Variants in SGCZ observed in about 807,000 individuals in gnomAD.
SGCZ encodes sarcoglycan zeta, also known as zeta-sarcoglycan.
In SGCZ, 40 loss-of-function variants were observed where a neutral mutation model predicts 41.3. The observed-to-expected ratio is 0.97, with a 90% CI of 0.75 to 1.26. The LOEUF is 1.26. Ranked by LOEUF, SGCZ falls within the 50% of genes most tolerant of loss-of-function variation. SGCZ has a pLI of 0.00. For missense variants in SGCZ, 552 were observed against 369.8 expected (o/e 1.49, Z -4.04); for synonymous variants, 206 against 137.5 (o/e 1.50, Z -3.49).
At chr8:14,152,785 T>C (rs1803751278) in intron 5 of SGCZ, among the ~76,000 whole-genome samples, 1 of 152,154 alleles carries the variant, frequency 6.6e-6, no homozygotes, top group Non-Finnish European at 1.5e-5. Context: ...CAGATGTTCC[T>C]CAATGGATGA....
chr8:14,843,637 C>T (rs144825688), intron 1 of SGCZ, among the ~76,000 whole-genome samples: 6 of 152,150 alleles, frequency 3.9e-5, no homozygotes, highest in African/African-American at 1.4e-4. Context: ...CATGGAGACA[C>T]ATGATTTATA....
At chr8:14,763,502 C>G (rs1276905739) in intron 1 of SGCZ, among the ~76,000 whole-genome samples, 1 of 152,114 alleles carries the variant, frequency 6.6e-6, no homozygotes. Context: ...CTGGATGTTT[C>G]TTAGCTCTTT....
At chr8:14,850,311 T>C (rs1267400541) in intron 1 of SGCZ, among the ~76,000 whole-genome samples, 1 of 152,166 alleles carries the variant, frequency 6.6e-6, no homozygotes, top group Non-Finnish European at 1.5e-5. Context: ...GGCATAGTCA[T>C]GGTTGTCAAG....
rs73665361 is a variant in SGCZ at position 15,005,949 on chromosome 8, C to A, written c.39+231636G>T. Among the ~76,000 whole-genome samples, 353 of 152,250 alleles carry A rather than the reference C, an allele frequency of 2.3e-3. 2 individuals carry two copies. The highest frequency in any genetic ancestry group is 6.0e-3 in the African/African-American group (251 of 41,554). The stretch of plus-strand genomic sequence containing the variant: ...ACGGAATGAGAAATTCTTCTCCCAC[C>A]AAACTTGAACTAACAGATACTTTTT... On this transcript the variant is annotated intron_variant, in intron 1 of 7. Transcript: ENST00000382080.
At chr8:14,435,615 A>G (rs1359655037) in intron 2 of SGCZ, among the ~76,000 whole-genome samples, 1 of 152,348 alleles carries the variant, frequency 6.6e-6, no homozygotes, top group African/African-American at 2.4e-5. Context: ...CTACAATACT[A>G]TAATATATAT....
At chr8:14,486,127 G>T (rs1478602401) in intron 2 of SGCZ, among the ~76,000 whole-genome samples, 1 of 152,100 alleles carries the variant, frequency 6.6e-6, no homozygotes, top group Non-Finnish European at 1.5e-5. Flanking sequence ...TAGCATGCTC[G>T]TTTTTCCCCC....
chr8:14,943,852 T>G (rs940467538), intron 1 of SGCZ, among the ~76,000 whole-genome samples: 16 of 152,308 alleles, frequency 1.1e-4, no homozygotes, highest in Admixed American at 2.0e-4. Context: ...GTTCCTGTAT[T>G]AGTTTCCTTA....
intron 1 of SGCZ, among the ~76,000 whole-genome samples, chr8:15,042,274 C>G (rs7005497): frequency 6.6e-6 from 1 of 152,078 alleles, no homozygotes; most frequent in Non-Finnish European, 1.5e-5. Flanking sequence ...TAATGCCTAG[C>G]TGACGGCAGT....
At chr8:14,787,799 T>G (rs1800816667) in intron 1 of SGCZ, among the ~76,000 whole-genome samples, 1 of 151,466 alleles carries the variant, frequency 6.6e-6, no homozygotes, top group African/African-American at 2.4e-5. Flanking sequence ...TGACCTAAGA[T>G]CTCATCACTG....
intron 2 of SGCZ, among the ~76,000 whole-genome samples, chr8:14,377,592 A>G (rs1256842124): frequency 6.6e-6 from 1 of 151,560 alleles, no homozygotes; most frequent in East Asian, 1.9e-4. Flanking sequence ...GGTTAGTTAC[A>G]TATGTATACA....
intron 1 of SGCZ, among the ~76,000 whole-genome samples, chr8:14,814,257 C>A (rs1801827086): frequency 6.6e-6 from 1 of 152,134 alleles, no homozygotes; most frequent in Non-Finnish European, 1.5e-5. Context: ...GGGGACCTGA[C>A]TACGCCTCTA....
intron 2 of SGCZ, among the ~76,000 whole-genome samples, chr8:14,528,846 A>AAAC (rs1399884416): frequency 1.3e-5 from 2 of 151,096 alleles, no homozygotes; most frequent in African/African-American, 4.9e-5. Context: ...AACAAAACAA[A>AAAC]AACAAAAAAA....
intron 2 of SGCZ, among the ~76,000 whole-genome samples, chr8:14,530,737 A>G (rs564055946): frequency 6.6e-6 from 1 of 152,082 alleles, no homozygotes; most frequent in East Asian, 1.9e-4. Context: ...AGCCCCATCT[A>G]TTCTGGAGGC....
At chr8:14,627,706 C>A (rs1029770679) in intron 1 of SGCZ, among the ~76,000 whole-genome samples, 5 of 151,956 alleles carry the variant, frequency 3.3e-5, no homozygotes, top group Non-Finnish European at 5.9e-5. Flanking sequence ...ATACACCCAG[C>A]TGATCTGTAT....
At chr8:14,757,647 G>A (rs974266410) in intron 1 of SGCZ, among the ~76,000 whole-genome samples, 1 of 152,124 alleles carries the variant, frequency 6.6e-6, no homozygotes, top group Non-Finnish European at 1.5e-5. Context: ...ATAGAGAAAA[G>A]AAACAACTCT....
Position 14,087,731 on chromosome 8 carries a change from T to TAA in SGCZ, c.*2711_*2712insTT, listed in dbSNP as rs1192320609. On this transcript the variant is annotated 3_prime_UTR_variant, in exon 8 of 8. Coordinates refer to ENST00000382080, the MANE Select transcript of SGCZ (RefSeq NM_139167.4). ...TATATTTTTAAAAAAAAAAAAATGC[T>TAA]TTTTTGTGTTTGAATGTGGAAAACG... Among the ~76,000 whole-genome samples, 585 of 140,090 alleles carry TAA rather than the reference T, an allele frequency of 4.2e-3. 2 individuals are homozygous for TAA. Among genetic ancestry groups the TAA allele is most frequent in the Non-Finnish European group, 6.9e-3 (467 of 67,622 alleles). The allele number at this position is 140,090 out of a possible 152,430, so 91.9% of individuals were successfully genotyped here.
intron 1 of SGCZ, among the ~76,000 whole-genome samples, chr8:15,080,733 G>C (rs113991941): frequency 0.085 from 12,893 of 151,990 alleles, 830 homozygotes; most frequent in East Asian, 0.28. Context: ...TTGGATTACA[G>C]GTGCCTGTCA....
intron 5 of SGCZ, among the ~76,000 whole-genome samples, chr8:14,128,075 C>A (rs1009551979): frequency 1.3e-5 from 2 of 152,082 alleles, no homozygotes; most frequent in African/African-American, 4.8e-5. Context: ...TATCATTAAA[C>A]AGTCAAAAAT....
chr8:14,576,931 G>A (rs1015784205), intron 1 of SGCZ, among the ~76,000 whole-genome samples: 31 of 152,294 alleles, frequency 2.0e-4, no homozygotes, highest in Non-Finnish European at 7.4e-5. Context: ...TTGATTACCC[G>A]TGAGGACATT....
Sources: gnomAD v4.1 joint callset for allele counts (sites outside exome capture counted in the v4.1 genomes callset) on GRCh38, gnomAD v4.1.1 for gene constraint, MANE v1.5 for transcripts, NCBI Gene and HGNC (gene_info 2026-07-23, HGNC 2026-07-21) for gene names.